The following ARB2A variants were observed in gnomAD, a reference collection of about 807,000 sequenced individuals.
ARB2A encodes ARB2 cotranscriptional regulator A.
chr5:94,049,384 G>C, the ARB2A span, among the ~76,000 whole-genome samples: 1 of 152,100 alleles, frequency 6.6e-6, no homozygotes. Flanking sequence ...TTCTGGCATA[G>C]TAGGGGATTC....
At chr5:93,918,835 A>G in the ARB2A span, among the ~76,000 whole-genome samples, 1 of 152,118 alleles carries the variant, frequency 6.6e-6, no homozygotes, top group Non-Finnish European at 1.5e-5. Flanking sequence ...TGATTCTATG[A>G]AACAGTGATT....
At chr5:93,852,469 T>C in the ARB2A span, among the ~76,000 whole-genome samples, 19 of 152,194 alleles carry the variant, frequency 1.2e-4, no homozygotes, top group African/African-American at 4.6e-4. Context: ...CTAGATCCCA[T>C]TTGTTAATTT....
the ARB2A span, among the ~76,000 whole-genome samples, chr5:94,102,306 T>C: frequency 6.6e-6 from 1 of 151,944 alleles, no homozygotes; most frequent in East Asian, 1.9e-4. Context: ...AACTTAAAGA[T>C]GAAATAGTCA....
the ARB2A span, among the ~76,000 whole-genome samples, chr5:93,626,994 G>T: frequency 6.6e-6 from 1 of 152,186 alleles, no homozygotes; most frequent in African/African-American, 2.4e-5. Flanking sequence ...CTAAGTTTAT[G>T]CAATATTCAA....
At chr5:94,004,691 T>C in the ARB2A span, among the ~76,000 whole-genome samples, 1 of 152,032 alleles carries the variant, frequency 6.6e-6, no homozygotes, top group South Asian at 2.1e-4. Flanking sequence ...TCCTGGTAGT[T>C]ATGGTCTATC....
At chr5:94,034,076 G>A in the ARB2A span, among the ~76,000 whole-genome samples, 1 of 152,194 alleles carries the variant, frequency 6.6e-6, no homozygotes, top group South Asian at 2.1e-4. Flanking sequence ...ACCAGAAGTT[G>A]AGCAGATGCC....
At chr5:93,828,196 T>C in the ARB2A span, among the ~76,000 whole-genome samples, 2 of 152,226 alleles carry the variant, frequency 1.3e-5, no homozygotes, top group Non-Finnish European at 1.5e-5. Flanking sequence ...ATGGCCACTT[T>C]CATGATACTG....
the ARB2A span, among the ~76,000 whole-genome samples, chr5:94,030,563 A>G: frequency 6.6e-6 from 1 of 152,230 alleles, no homozygotes; most frequent in Non-Finnish European, 1.5e-5. Flanking sequence ...CTACAACTCC[A>G]TAACAGACTC....
chr5:93,958,039 C>A, the ARB2A span, among the ~76,000 whole-genome samples: 1 of 151,676 alleles, frequency 6.6e-6, no homozygotes, highest in Non-Finnish European at 1.5e-5. Flanking sequence ...CACTATGGAA[C>A]TTATGAATGC....
chr5:93,636,176 C>G, the ARB2A span, among the ~76,000 whole-genome samples: 1 of 152,138 alleles, frequency 6.6e-6, no homozygotes, highest in African/African-American at 2.4e-5. Context: ...AAGCATATAT[C>G]TTGCTTTGTG....
the ARB2A span, among the ~76,000 whole-genome samples, chr5:93,723,654 G>C: frequency 6.6e-6 from 1 of 152,062 alleles, no homozygotes; most frequent in Non-Finnish European, 1.5e-5. Context: ...AGTGGCTGGT[G>C]ATGTCATATA....
the ARB2A span, among the ~76,000 whole-genome samples, chr5:93,711,739 T>C: frequency 6.6e-6 from 1 of 152,244 alleles, no homozygotes; most frequent in African/African-American, 2.4e-5. Flanking sequence ...AGCACAGCAG[T>C]GCTTCCAGAG....
chr5:94,105,528 A>C, the ARB2A span, among the ~76,000 whole-genome samples: 1 of 152,160 alleles, frequency 6.6e-6, no homozygotes, highest in Non-Finnish European at 1.5e-5. Context: ...GATAGGAAGA[A>C]TCAATATTAT....
At chr5:93,976,143 T>G in the ARB2A span, among the ~76,000 whole-genome samples, 1 of 152,062 alleles carries the variant, frequency 6.6e-6, no homozygotes, top group Non-Finnish European at 1.5e-5. Context: ...CAAAAACGAT[T>G]TTTTGTTATT....
the ARB2A span, among the ~76,000 whole-genome samples, chr5:93,874,592 A>T: frequency 6.6e-6 from 1 of 152,186 alleles, no homozygotes; most frequent in Non-Finnish European, 1.5e-5. Flanking sequence ...ACTGGTAAAC[A>T]TAAGTATTTT....
the ARB2A span, among the ~76,000 whole-genome samples, chr5:93,722,309 G>T: frequency 2.6e-5 from 4 of 151,772 alleles, no homozygotes; most frequent in African/African-American, 9.7e-5. Context: ...CTTTTCTTTG[G>T]GGTTGTGTGG....
At chr5:93,765,621 C>T in the ARB2A span, among the ~76,000 whole-genome samples, 1 of 152,058 alleles carries the variant, frequency 6.6e-6, no homozygotes, top group Non-Finnish European at 1.5e-5. Context: ...CCATACAGCC[C>T]AAGGTAATTT....
the ARB2A span, among the ~76,000 whole-genome samples, chr5:94,110,500 TAAGTGG>T: frequency 2.0e-5 from 3 of 152,180 alleles, no homozygotes; most frequent in African/African-American, 7.2e-5. Flanking sequence ...ATTCACTGGT[TAAGTGG>T]AAGTAAGGCC....
chr5:93,749,566 C>T, the ARB2A span, among the ~76,000 whole-genome samples: 1 of 152,016 alleles, frequency 6.6e-6, no homozygotes, highest in Non-Finnish European at 1.5e-5. Flanking sequence ...TCAATATAAC[C>T]CAATGAGATG....
Sources: allele counts gnomAD v4.1 joint callset (sites outside exome capture counted in the v4.1 genomes callset), GRCh38; gene constraint gnomAD v4.1.1; transcripts MANE v1.5; gene names NCBI Gene and HGNC (gene_info 2026-07-23, HGNC 2026-07-21).